The following CEP78 variants were observed in gnomAD, a reference collection of about 807,000 sequenced individuals.
CEP78 encodes the protein centrosomal protein 78.
In CEP78, 76 loss-of-function variants were observed where a neutral mutation model predicts 81.2. That is an observed-to-expected ratio of 0.94 (90% CI 0.78 to 1.13). The LOEUF (loss-of-function observed/expected upper bound fraction) is 1.13. Ranked by LOEUF, CEP78 falls within the 50% of genes most tolerant of loss-of-function variation. The pLI is 0.00. For synonymous variants in CEP78, 293 were observed against 301.4 expected (o/e 0.97, Z 0.29); for missense variants, 918 against 846.8 (o/e 1.08, Z -1.04).
chr9:78,264,053 A>T, intron 12 of CEP78, 97 bp from the exon 13 acceptor site: 1 of 890,268 alleles, frequency 1.1e-6, no homozygotes, highest in Non-Finnish European at 1.6e-6. Flanking sequence ...ACTGCAAATT[A>T]ATTACATTTT....
chr9:78,240,182 C>T lies in CEP78; in HGVS notation c.413C>T (p.Thr138Ile). Residue 138 changes from threonine (T) to isoleucine (I), a missense_variant, in exon 2 of 17, where the codon ACT (threonine) becomes ATT (isoleucine). Physicochemically the swap from Thr to Ile is moderately conservative, Grantham distance 89 (BLOSUM62 -1). Coordinates refer to ENST00000643273, the MANE Select transcript of CEP78 (RefSeq NM_001330691.3). Reference sequence around the variant, plus strand: ...CTAATTCTGAGAGAGAGGGATTTAACTATTCTAGCAAAGGTAAGCTTTGTC... The same window carrying T: ...CTAATTCTGAGAGAGAGGGATTTAATTATTCTAGCAAAGGTAAGCTTTGTC... Reference protein sequence around the residue: ...NGLILRERDLTILAKGLNKSA... With the variant: ...NGLILRERDLIILAKGLNKSA... 6.2e-7 allele frequency: 1 copy of T among 1,603,752 alleles called. No homozygotes were observed. The highest frequency in any genetic ancestry group is 8.5e-7 in the Non-Finnish European group (1 of 1,176,054).
intron 11 of CEP78, among the ~76,000 whole-genome samples, chr9:78,262,206 T>TTC (rs1827308181): frequency 6.6e-6 from 1 of 151,738 alleles, no homozygotes; most frequent in African/African-American, 2.4e-5. Context: ...TGTGCTATTT[T>TTC]TTTTTTTTTT....
chr9:78,279,146 C>T lies in CEP78; in HGVS notation c.*8295C>T, dbSNP rs1225146742. The T allele has an allele frequency of 6.6e-6, 1 of 150,808 alleles. No individual in the cohort carries two copies. The highest frequency in any genetic ancestry group is 1.9e-4 in the East Asian group (1 of 5,154). 9.3% of individuals were successfully genotyped at this position (150,808 alleles called of 1,614,324 possible). On this transcript the variant is annotated 3_prime_UTR_variant, in exon 17 of 17. Coordinates refer to ENST00000643273, the MANE Select transcript of CEP78 (RefSeq NM_001330691.3). ...TAGATTAAATAATAATTAGCTTGTT[C>T]CAGAGAGACCAGTGAAGATTAGTTG...
At chr9:78,266,360 G>A (rs1342226255) in intron 15 of CEP78, 82 bp from the exon 16 acceptor site, 1 of 1,030,204 alleles carries the variant, frequency 9.7e-7, no homozygotes, top group Non-Finnish European at 1.4e-6. Context: ...TAAGATCACA[G>A]AATAACATTG....
At chr9:78,259,618 T>C (rs74319534) in intron 11 of CEP78, among the ~76,000 whole-genome samples, 9 of 152,290 alleles carry the variant, frequency 5.9e-5, no homozygotes, top group African/African-American at 2.2e-4. Flanking sequence ...GTTGATCATA[T>C]TTTGTACACC....
At chr9:78,253,357 G>T in intron 10 of CEP78, 80 bp downstream of exon 10, 1 of 755,260 alleles carries the variant, frequency 1.3e-6, no homozygotes, top group South Asian at 1.5e-5. Context: ...TCTTTAAATT[G>T]AATAGAGTCG....
chr9:78,258,344 A>G (rs779722192), intron 11 of CEP78, among the ~76,000 whole-genome samples: 2 of 152,206 alleles, frequency 1.3e-5, no homozygotes, highest in Admixed American at 6.5e-5. Flanking sequence ...ACAGAATATA[A>G]ATATTAACTT....
chr9:78,251,065 C>T (rs887453695), intron 8 of CEP78, among the ~76,000 whole-genome samples: 2 of 152,098 alleles, frequency 1.3e-5, no homozygotes, highest in Non-Finnish European at 2.9e-5. Flanking sequence ...TATTTGTTCT[C>T]AGTGATATCA....
At chr9:78,259,344 G>C (rs1424679377) in intron 11 of CEP78, among the ~76,000 whole-genome samples, 1 of 152,200 alleles carries the variant, frequency 6.6e-6, no homozygotes, top group Admixed American at 6.5e-5. Flanking sequence ...GGGAGAAGGA[G>C]AGGGGCTTGT....
At chr9:78,244,134 C>CTTT (rs971743733) in intron 5 of CEP78, among the ~76,000 whole-genome samples, 64 of 110,698 alleles carry the variant, frequency 5.8e-4, no homozygotes, top group African/African-American at 7.2e-4. Context: ...ATTGAAGTTA[C>CTTT]TTTTTTTTTT....
rs1314921809 is a variant in CEP78 at position 78,275,157 on chromosome 9, C to G, written c.*4306C>G. On this transcript the variant is annotated 3_prime_UTR_variant, in exon 17 of 17. Coordinates refer to ENST00000643273, the MANE Select transcript of CEP78 (RefSeq NM_001330691.3). ...TAATTATGAGCACTTTTATAATTTA[C>G]TATAAATAATTGTGTAGTGTTAAAC... is the stretch of plus-strand genomic sequence containing the variant. 1 of 152,044 alleles carries G rather than the reference C, an allele frequency of 6.6e-6. No individual in the cohort carries two copies. Among genetic ancestry groups the G allele is most frequent in the Non-Finnish European group, 1.5e-5 (1 of 68,006 alleles). The allele number at this position is 152,044 out of a possible 1,614,324, so 9.4% of individuals were successfully genotyped here.
In CEP78 at chr9:78,236,099, G is replaced by T. The variant is rs1000883378; in HGVS notation, c.-252G>T. The stretch of plus-strand genomic sequence containing the variant: ...CGGCTTGAATCCCGGCGCCTCAGAG[G>T]ACTATGAGGCGGGCGCCAACTGCTT... On this transcript the variant is annotated 5_prime_UTR_variant, in exon 1 of 17. Transcript: ENST00000643273. 13 of 517,004 alleles carry T rather than the reference G, an allele frequency of 2.5e-5. No individual in the cohort carries two copies. The Admixed American group carries it at 5.1e-4, about 20-fold the overall frequency. The allele number at this position is 517,004 out of a possible 1,614,324, so 32.0% of individuals were successfully genotyped here. A position where few individuals can be genotyped will look rare whatever the true frequency, so the allele number is the denominator to read the frequency against.
rs948463082 is a variant in CEP78 at position 78,266,856 on chromosome 9, G to A, written c.2107+153G>A. 16 of 1,442,292 alleles carry A rather than the reference G, an allele frequency of 1.1e-5. No homozygotes were observed. The African/African-American group carries it at 1.6e-4, about 14-fold the overall frequency. The allele number at this position is 1,442,292 out of a possible 1,614,324, so 89.3% of individuals were successfully genotyped here. ...TAAAAGTAGGTCTTTGAAAAAATAC[G>A]TTTCTGTCAAGAAAGAAAATAGAAT... On this transcript the variant is annotated intron_variant, in intron 16 of 16. Transcript: ENST00000643273.
At chr9:78,250,024 G>A in intron 8 of CEP78, 1 of 344,354 alleles carries the variant, frequency 2.9e-6, no homozygotes, top group Non-Finnish European at 5.1e-6. Context: ...CTTAAAAATG[G>A]CTAAGATATA....
At chr9:78,266,816 G>T in intron 16 of CEP78, 113 bp downstream of exon 16, 9 of 1,490,532 alleles carry the variant, frequency 6.0e-6, no homozygotes, top group Non-Finnish European at 8.0e-6. Flanking sequence ...CTAGTTCTTT[G>T]GTTAATGAAC....
chr9:78,277,576 G>C lies in CEP78; in HGVS notation c.*6725G>C, dbSNP rs1338821750. Reference sequence around the variant, plus strand: ...TACATTGAAATGGCAGATTATTAAAGATTGGTGATAGTGCTGGAGATAATG... The same window carrying C: ...TACATTGAAATGGCAGATTATTAAACATTGGTGATAGTGCTGGAGATAATG... On this transcript the variant is annotated 3_prime_UTR_variant, in exon 17 of 17. Coordinates refer to ENST00000643273, the MANE Select transcript of CEP78 (RefSeq NM_001330691.3). 1 of 152,200 alleles carries C rather than the reference G, an allele frequency of 6.6e-6. No homozygotes were observed. Among genetic ancestry groups the C allele is most frequent in the African/African-American group, 2.4e-5 (1 of 41,454 alleles). The allele number at this position is 152,200 out of a possible 1,614,324, so 9.4% of individuals were successfully genotyped here.
intron 4 of CEP78, among the ~76,000 whole-genome samples, chr9:78,243,119 T>C (rs1587557648): frequency 6.6e-6 from 1 of 152,162 alleles, no homozygotes; most frequent in South Asian, 2.1e-4. Context: ...AATGATATGA[T>C]TTAGAGGCTC....
At chr9:78,244,833 C>T (rs536208473) in intron 5 of CEP78, among the ~76,000 whole-genome samples, 3 of 152,188 alleles carry the variant, frequency 2.0e-5, no homozygotes, top group African/African-American at 4.8e-5. Context: ...TACTTTGATA[C>T]GTGTTGTTGC....
rs1827682454 is a variant in CEP78 at position 78,271,264 on chromosome 9, C to T, written c.*413C>T. On this transcript the variant is annotated 3_prime_UTR_variant, in exon 17 of 17. Transcript: ENST00000643273. ...CATTTGGATGAAAAAATAACACTTC[C>T]AACTTTAATCTTAGGCCCTCATTTA... is the stretch of plus-strand genomic sequence containing the variant. 1 of 154,394 alleles carries T rather than the reference C, an allele frequency of 6.5e-6. No individual in the cohort carries two copies. Among genetic ancestry groups the T allele is most frequent in the Non-Finnish European group, 1.4e-5 (1 of 69,656 alleles). 9.6% of individuals were successfully genotyped at this position (154,394 alleles called of 1,614,324 possible).
Sources: allele counts gnomAD v4.1 joint callset (sites outside exome capture counted in the v4.1 genomes callset), GRCh38; gene constraint gnomAD v4.1.1; transcripts MANE v1.5; gene names NCBI Gene and HGNC (gene_info 2026-07-23, HGNC 2026-07-21).